IGSF23: variants seen among roughly 807,000 people sequenced by gnomAD.
IGSF23 encodes the protein immunoglobulin superfamily member 23.
A neutral mutation model predicts 17.8 loss-of-function variants in IGSF23; 14 were observed. The ratio of observed to expected loss-of-function variants is 0.79; its 90% CI spans 0.52 to 1.23. The LOEUF (loss-of-function observed/expected upper bound fraction) is 1.23. IGSF23 is among the 50% of genes most tolerant of loss of function. IGSF23 has a pLI of 0.00. For missense variants in IGSF23, 214 were observed against 241.7 expected (o/e 0.89, Z 0.76); for synonymous variants, 85 against 92.5 (o/e 0.92, Z 0.46).
intron 3 of IGSF23, among the ~76,000 whole-genome samples, chr19:44,629,760 A>C (rs938744173): frequency 2.0e-5 from 3 of 151,074 alleles, no homozygotes; most frequent in African/African-American, 7.3e-5. Context: ...CAGCCTCCCA[A>C]GTAGCTGGGA....
At chr19:44,621,293 A>G (rs1414553996) in intron 1 of IGSF23, among the ~76,000 whole-genome samples, 2 of 150,934 alleles carry the variant, frequency 1.3e-5, no homozygotes, top group Non-Finnish European at 2.9e-5. Flanking sequence ...AAAAAAAAAA[A>G]AAAAAAAATA....
At chr19:44,631,443 C>T (rs1278187316) in intron 3 of IGSF23, among the ~76,000 whole-genome samples, 1 of 151,884 alleles carries the variant, frequency 6.6e-6, no homozygotes, top group Non-Finnish European at 1.5e-5. Flanking sequence ...CAAAAATTAA[C>T]AAGGCATGGT....
At position 44,614,126 on chromosome 19, in the gene IGSF23, G is replaced by A. The variant is rs1006750275; in HGVS notation, c.125+356G>A. 50 of 571,042 alleles carry A rather than the reference G, an allele frequency of 8.8e-5. 1 individual carries two copies. The highest frequency in any genetic ancestry group is 1.0e-4 in the Non-Finnish European group (35 of 335,108). 35.4% of individuals were successfully genotyped at this position (571,042 alleles called of 1,614,324 possible). On this transcript the variant is annotated intron_variant, in intron 1 of 4. Transcript: ENST00000402988. ...CATGCAGCTCAGGCACCCAACTCAT[G>A]AGAACTCTTGAAGGCCACTCCGCCA...
intron 3 of IGSF23, among the ~76,000 whole-genome samples, chr19:44,634,327 A>C (rs1361745596): frequency 6.6e-6 from 1 of 152,178 alleles, no homozygotes; most frequent in East Asian, 1.9e-4. Flanking sequence ...TTTCAGACTC[A>C]GCAGTTTTCT....
intron 3 of IGSF23, among the ~76,000 whole-genome samples, chr19:44,630,145 G>T (rs970603297): frequency 1.3e-5 from 2 of 152,172 alleles, no homozygotes; most frequent in Non-Finnish European, 2.9e-5. Context: ...GTGAGGAAGA[G>T]AAATCTGTAG....
intron 3 of IGSF23, among the ~76,000 whole-genome samples, chr19:44,630,323 C>T (rs1391201491): frequency 6.6e-6 from 1 of 152,244 alleles, no homozygotes; most frequent in East Asian, 1.9e-4. Context: ...CCTGGCCCCT[C>T]AGCACGTACC....
At chr19:44,636,194 C>T (rs1972884890) in intron 4 of IGSF23, among the ~76,000 whole-genome samples, 1 of 152,146 alleles carries the variant, frequency 6.6e-6, no homozygotes, top group South Asian at 2.1e-4. Flanking sequence ...CTTCATTGGC[C>T]AAAGTTACAT....
At chr19:44,628,083 T>C in intron 3 of IGSF23, among the ~76,000 whole-genome samples, 1 of 152,036 alleles carries the variant, frequency 6.6e-6, no homozygotes, top group Non-Finnish European at 1.5e-5. Context: ...TAGCTGGGAT[T>C]ACAGGTGCAT....
intron 1 of IGSF23, 90 bp downstream of exon 1, chr19:44,613,860 A>G: frequency 6.5e-7 from 1 of 1,548,152 alleles, no homozygotes; most frequent in Non-Finnish European, 8.7e-7. Flanking sequence ...ACGCGACTGT[A>G]CAGGTCTATG....
At chr19:44,618,289 G>T (rs145284191) in intron 1 of IGSF23, 1 of 416,610 alleles carries the variant, frequency 2.4e-6, no homozygotes. Flanking sequence ...CACACTGGCC[G>T]GGAGATGCTG....
chr19:44,627,691 A>G, intron 3 of IGSF23, 118 bp downstream of exon 3: 1 of 1,197,222 alleles, frequency 8.4e-7, no homozygotes, highest in Non-Finnish European at 1.2e-6. Context: ...GGAGGGTGAT[A>G]GCGACTCCTG....
chr19:44,625,779 C>CA (rs1279066511), intron 2 of IGSF23, among the ~76,000 whole-genome samples: 1 of 152,140 alleles, frequency 6.6e-6, no homozygotes, highest in Non-Finnish European at 1.5e-5. Flanking sequence ...CCCCATGTGT[C>CA]ATGAGAGGGA....
chr19:44,616,695 C>CAAA lies in IGSF23; in HGVS notation c.125+2939_125+2941dup, dbSNP rs71171272. Among the ~76,000 whole-genome samples, 4 of 84,320 alleles carry CAAA rather than the reference C, an allele frequency of 4.7e-5. No homozygotes were observed. In the East Asian group the frequency reaches 8.6e-4, roughly 18 times the overall value. 55.3% of individuals were successfully genotyped at this position (84,320 alleles called of 152,430 possible). A position where few individuals can be genotyped will look rare whatever the true frequency, so the allele number is the denominator to read the frequency against. On this transcript the variant is annotated intron_variant, in intron 1 of 4. Transcript: ENST00000402988. ...CTGGCGACAGAGCGAGACTCCATCT[C>CAAA]AAAAAAAAAAAAAAAAGAAGAAGGA...
At chr19:44,618,851 C>T (rs1006072240) in intron 1 of IGSF23, among the ~76,000 whole-genome samples, 6 of 152,126 alleles carry the variant, frequency 3.9e-5, no homozygotes, top group African/African-American at 1.4e-4. Flanking sequence ...GCCAGCCCAG[C>T]TTCAACAGGA....
chr19:44,625,762 T>A (rs544202929), intron 2 of IGSF23, among the ~76,000 whole-genome samples: 1 of 152,296 alleles, frequency 6.6e-6, no homozygotes, highest in South Asian at 2.1e-4. Context: ...ATTGTAGCTC[T>A]CATAATCCCC....
At chr19:44,625,665 A>G (rs1972628943) in intron 2 of IGSF23, among the ~76,000 whole-genome samples, 1 of 152,210 alleles carries the variant, frequency 6.6e-6, no homozygotes, top group African/African-American at 2.4e-5. Context: ...AGCAGCTGTT[A>G]TGGTGAATAT....
At chr19:44,633,198 A>C (rs1364301851) in intron 3 of IGSF23, among the ~76,000 whole-genome samples, 3 of 152,226 alleles carry the variant, frequency 2.0e-5, no homozygotes, top group East Asian at 1.9e-4. Context: ...TAAATCTATG[A>C]CTATTAAAGG....
chr19:44,614,741 G>A (rs1009090574), intron 1 of IGSF23, among the ~76,000 whole-genome samples: 20 of 151,904 alleles, frequency 1.3e-4, no homozygotes, highest in Admixed American at 1.0e-3. Flanking sequence ...CTGTCAGCCC[G>A]TTCTAAGTGC....
At chr19:44,623,271 A>G (rs1435564497) in intron 1 of IGSF23, among the ~76,000 whole-genome samples, 2 of 152,218 alleles carry the variant, frequency 1.3e-5, no homozygotes, top group Non-Finnish European at 2.9e-5. Context: ...GCTGGTTACC[A>G]TGGGCAACTG....
Sources: gnomAD v4.1 joint callset for allele counts (sites outside exome capture counted in the v4.1 genomes callset) on GRCh38, gnomAD v4.1.1 for gene constraint, MANE v1.5 for transcripts, NCBI Gene and HGNC (gene_info 2026-07-23, HGNC 2026-07-21) for gene names.